ERC2: variants seen among roughly 807,000 people sequenced by gnomAD.
ERC2 encodes ELKS/RAB6-interacting/CAST family member 2, also known as ERC protein 2.
A neutral mutation model predicts 114.8 loss-of-function variants in ERC2; 42 were observed. That is an observed-to-expected ratio of 0.37 (90% confidence interval 0.29 to 0.47). ERC2 has a LOEUF of 0.47. ERC2 is among the 20% of genes least tolerant of loss of function. The pLI, the probability that ERC2 is intolerant of heterozygous loss-of-function variation, is 0.99. For missense variants in ERC2, 939 were observed against 1,150.7 expected, an observed-to-expected ratio of 0.82 and a Z score of 2.66; for synonymous variants, 454 against 425.5, an observed-to-expected ratio of 1.07 and a Z score of -0.82.
chr3:56,332,542 C>G (rs2057673120), intron 2 of ERC2, among the ~76,000 whole-genome samples: 1 of 152,198 alleles, frequency 6.6e-6, no homozygotes, highest in Non-Finnish European at 1.5e-5. Context: ...ACTGTTCTCT[C>G]CACTCCATCC....
intron 17 of ERC2, among the ~76,000 whole-genome samples, chr3:55,666,227 T>G (rs2061352100): frequency 6.6e-6 from 1 of 152,136 alleles, no homozygotes; most frequent in Admixed American, 6.5e-5. Flanking sequence ...TCTCAATCAC[T>G]GCGCAGGAGA....
At chr3:56,367,765 A>G (rs1019710877) in intron 2 of ERC2, among the ~76,000 whole-genome samples, 1 of 152,144 alleles carries the variant, frequency 6.6e-6, no homozygotes, top group Non-Finnish European at 1.5e-5. Flanking sequence ...CCTGAATAGC[A>G]AAAGCTAATT....
chr3:55,579,548 C>G (rs187724903), intron 17 of ERC2, among the ~76,000 whole-genome samples: 45 of 152,352 alleles, frequency 3.0e-4, no homozygotes, highest in Non-Finnish European at 5.7e-4. Flanking sequence ...CCTGCCAGGT[C>G]TTCCTCCAGC....
chr3:56,438,902 CACACATATAACAT>C (rs1052893584), intron 1 of ERC2, among the ~76,000 whole-genome samples: 1 of 152,214 alleles, frequency 6.6e-6, no homozygotes, highest in Non-Finnish European at 1.5e-5. Context: ...TGGAAACACA[CACACATATAACAT>C]ACAACATGAA....
intron 12 of ERC2, among the ~76,000 whole-genome samples, chr3:55,962,732 G>C (rs2068475045): frequency 6.6e-6 from 1 of 152,226 alleles, no homozygotes; most frequent in Admixed American, 6.5e-5. Context: ...TACAGAGCTA[G>C]TGAATATCAG....
chr3:56,033,469 C>G (rs777570522), intron 7 of ERC2, among the ~76,000 whole-genome samples: 7 of 152,008 alleles, frequency 4.6e-5, no homozygotes, highest in Non-Finnish European at 8.8e-5. Flanking sequence ...TGAAGAATTC[C>G]CAGTAGCATT....
At chr3:55,941,997 C>T (rs1016705600) in intron 13 of ERC2, among the ~76,000 whole-genome samples, 2 of 152,142 alleles carry the variant, frequency 1.3e-5, no homozygotes, top group African/African-American at 2.4e-5. Flanking sequence ...TTTAGATGCT[C>T]AATCTAATAC....
chr3:56,090,351 C>A (rs2077719698), intron 6 of ERC2, among the ~76,000 whole-genome samples: 1 of 152,104 alleles, frequency 6.6e-6, no homozygotes, highest in Non-Finnish European at 1.5e-5. Flanking sequence ...AAGCAGTAAC[C>A]AGAATCACTT....
chr3:56,296,535 G>C lies in ERC2; in HGVS notation c.658-100C>G, dbSNP rs146181973. On this transcript the variant is annotated intron_variant, in intron 2 of 17. Coordinates refer to ENST00000288221, the MANE Select transcript of ERC2 (RefSeq NM_015576.3). ...TGCCACCACACTATGAAGATGGAAT[G>C]TTAATCATGAGGTCCGGAGGGCCAG... The C allele has an allele frequency of 1.7e-4, 222 of 1,304,968 alleles. 1 individual carries two copies. In the African/African-American group the frequency reaches 3.1e-3, roughly 18 times the overall value. 80.8% of individuals were successfully genotyped at this position (1,304,968 alleles called of 1,614,324 possible).
At chr3:55,535,739 A>G (rs2053956833) in intron 17 of ERC2, among the ~76,000 whole-genome samples, 1 of 152,218 alleles carries the variant, frequency 6.6e-6, no homozygotes, top group African/African-American at 2.4e-5. Flanking sequence ...GTCGCCTATT[A>G]TCCCAGCACT....
intron 14 of ERC2, among the ~76,000 whole-genome samples, chr3:55,778,399 T>C (rs1173717174): frequency 1.3e-5 from 2 of 152,240 alleles, no homozygotes; most frequent in African/African-American, 2.4e-5. Flanking sequence ...TGTGTGTCTA[T>C]TCCATTTCAT....
chr3:55,710,415 T>A (rs147928913), intron 15 of ERC2, among the ~76,000 whole-genome samples: 2 of 152,118 alleles, frequency 1.3e-5, no homozygotes, highest in Non-Finnish European at 1.5e-5. Flanking sequence ...CTGACAGAAA[T>A]CCAATTTCCA....
chr3:56,268,076 C>T (rs2053436870), intron 3 of ERC2, among the ~76,000 whole-genome samples: 1 of 152,120 alleles, frequency 6.6e-6, no homozygotes, highest in Admixed American at 6.5e-5. Flanking sequence ...ACAGTCAATT[C>T]CTGCATCATG....
chr3:56,309,356 T>C (rs1292959557), intron 2 of ERC2, among the ~76,000 whole-genome samples: 1 of 152,216 alleles, frequency 6.6e-6, no homozygotes, highest in Non-Finnish European at 1.5e-5. Context: ...AAGAACAGTA[T>C]ACATGGGAAA....
intron 14 of ERC2, among the ~76,000 whole-genome samples, chr3:55,810,549 G>A (rs1575674539): frequency 1.3e-5 from 2 of 151,174 alleles, no homozygotes; most frequent in Non-Finnish European, 2.9e-5. Flanking sequence ...TGCAACCTCC[G>A]CCTCCCAGGT....
chr3:55,712,786 G>T (rs535952637), intron 15 of ERC2, among the ~76,000 whole-genome samples: 3 of 152,270 alleles, frequency 2.0e-5, no homozygotes, highest in African/African-American at 7.2e-5. Flanking sequence ...CACGTCTTCA[G>T]ATATTTGAAT....
intron 3 of ERC2, among the ~76,000 whole-genome samples, chr3:56,254,385 C>T (rs1276612545): frequency 6.6e-6 from 1 of 151,644 alleles, no homozygotes; most frequent in Non-Finnish European, 1.5e-5. Flanking sequence ...TGCTCGTTTA[C>T]ATTCTGTGTA....
At chr3:55,601,120 G>C (rs2058382453) in intron 17 of ERC2, among the ~76,000 whole-genome samples, 1 of 152,232 alleles carries the variant, frequency 6.6e-6, no homozygotes, top group Non-Finnish European at 1.5e-5. Context: ...ACTGGAGAGG[G>C]CTGGCTGGAC....
At chr3:55,978,917 CT>C (rs2069832185) in intron 12 of ERC2, among the ~76,000 whole-genome samples, 1 of 152,156 alleles carries the variant, frequency 6.6e-6, no homozygotes, top group Non-Finnish European at 1.5e-5. Flanking sequence ...GCTTCTTTAT[CT>C]GCTTAGGAAT....
Sources: gnomAD v4.1 joint callset for allele counts (sites outside exome capture counted in the v4.1 genomes callset) on GRCh38, gnomAD v4.1.1 for gene constraint, MANE v1.5 for transcripts, NCBI Gene and HGNC (gene_info 2026-07-23, HGNC 2026-07-21) for gene names.